FIGN: variants seen among roughly 807,000 people sequenced by gnomAD.
FIGN encodes fidgetin, microtubule severing factor.
In FIGN, 11 loss-of-function variants were observed where a neutral mutation model predicts 51.3. That is an observed-to-expected ratio of 0.21 (90% CI 0.13 to 0.35). The LOEUF (loss-of-function observed/expected upper bound fraction) is 0.35, where lower values mean the gene tolerates loss of function less well. Ranked by LOEUF, FIGN falls within the 10% of genes least tolerant of loss-of-function variation. FIGN has a pLI of 1.00. For missense variants in FIGN, 857 were observed against 943.6 expected, an observed-to-expected ratio of 0.91 and a Z score of 1.20; for synonymous variants, 407 against 363.2, an observed-to-expected ratio of 1.12 and a Z score of -1.37.
rs1032037381 is a variant in FIGN, at chr2:163,604,691, A to C, written c.*4861T>G. Reference sequence around the variant, plus strand: ...AAAGAACAATGTTTGAATATACATCAGATGAAAAAAGAAAAAAAAGAAATG... The same window carrying C: ...AAAGAACAATGTTTGAATATACATCCGATGAAAAAAGAAAAAAAAGAAATG... On this transcript the variant is annotated 3_prime_UTR_variant, in exon 3 of 3. Transcript: ENST00000333129. The C allele has an allele frequency of 1.3e-5, 2 of 152,004 alleles. No individual in the cohort carries two copies. The highest frequency in any genetic ancestry group is 1.5e-5 in the Non-Finnish European group (1 of 67,960). 9.4% of individuals were successfully genotyped at this position (152,004 alleles called of 1,614,324 possible).
chr2:163,666,163 G>A (rs1056232534), intron 2 of FIGN, among the ~76,000 whole-genome samples: 1 of 152,144 alleles, frequency 6.6e-6, no homozygotes, highest in Non-Finnish European at 1.5e-5. Context: ...AAAGAATATG[G>A]ATGCAGGAAG....
At position 163,694,369 on chromosome 2, in the gene FIGN, A is replaced by G. The variant is rs567154672; in HGVS notation, c.25+40534T>C. On this transcript the variant is annotated intron_variant, in intron 2 of 2. Coordinates refer to ENST00000333129, the MANE Select transcript of FIGN (RefSeq NM_018086.4). ...CTATAACCTCCTCTTCAATATTCAT[A>G]ATACCTATTAGCATTCTAGGGGCTC... Among the ~76,000 whole-genome samples, 7 of 152,330 alleles carry G rather than the reference A, an allele frequency of 4.6e-5. No homozygotes were observed. The East Asian group carries it at 1.4e-3, about 29-fold the overall frequency.
rs1691184426 is a variant in FIGN at position 163,609,586 on chromosome 2, A to G, written c.2246T>C (p.Val749Ala). The G allele has an allele frequency of 6.2e-7, 1 of 1,613,834 alleles. No homozygotes were observed. The highest frequency in any genetic ancestry group is 1.3e-5 in the African/African-American group (1 of 75,028). Residue 749 changes from valine (V) to alanine (A), a missense_variant, in exon 3 of 3, where the codon GTT becomes GCT. Val to Ala is a moderately conservative substitution (Grantham distance 64). Around this residue, in one of 3 missense-constraint regions of FIGN, gnomAD observed 799 missense variants for 849.5 expected, o/e 0.94. Transcript: ENST00000333129. Reference sequence around the variant, plus strand: ...GCAACCAAACATTTTGTTCCATTCAACATACATATCAAGCTCCTTTTGAGA... The same window carrying G: ...GCAACCAAACATTTTGTTCCATTCAGCATACATATCAAGCTCCTTTTGAGA... ...SISQKELDMY[V>A]EWNKMFGCSQ
chr2:163,660,814 CATAT>C (rs1683652033), intron 2 of FIGN, among the ~76,000 whole-genome samples: 1 of 56,122 alleles, frequency 1.8e-5, no homozygotes. Context: ...CATATATATA[CATAT>C]ACATATATAT....
chr2:163,609,815 G>A lies in FIGN; in HGVS notation c.2017C>T (p.Leu673Phe). 1 of 1,614,142 alleles carries A rather than the reference G, an allele frequency of 6.2e-7. No individual in the cohort carries two copies. The highest frequency in any genetic ancestry group is 8.5e-7 in the Non-Finnish European group (1 of 1,180,026). ...AGCAGTGCAAACTCCTTGTCATTGA[G>A]ACAGTAATTGTGCTGTGAGAGCAGT... The part of the protein sequence containing the change: ...VQLLSQHNYC[L>F]NDKEFALLVQ... The change falls in exon 3 of 3, where the codon CTC (leucine) becomes TTC (phenylalanine). Residue 673 changes from leucine (L) to phenylalanine (F), a missense_variant. By Grantham distance (22) the Leu-to-Phe change is conservative. Transcript: ENST00000333129.
At chr2:163,639,707 C>A (rs1683278670) in intron 2 of FIGN, among the ~76,000 whole-genome samples, 1 of 152,064 alleles carries the variant, frequency 6.6e-6, no homozygotes, top group Non-Finnish European at 1.5e-5. Context: ...TTAACAACAA[C>A]AACAAAATCT....
chr2:163,661,236 A>T (rs866874158), intron 2 of FIGN, among the ~76,000 whole-genome samples: 87 of 150,204 alleles, frequency 5.8e-4, no homozygotes, highest in Middle Eastern at 3.4e-3. Flanking sequence ...TTATTTATTT[A>T]TTATTATTAT....
intron 2 of FIGN, among the ~76,000 whole-genome samples, chr2:163,704,813 A>G (rs529626429): frequency 2.6e-5 from 4 of 152,102 alleles, no homozygotes; most frequent in Admixed American, 2.0e-4. Context: ...TGGAGCCATA[A>G]CCCCAACTAA....
intron 2 of FIGN, among the ~76,000 whole-genome samples, chr2:163,614,643 T>C (rs993074533): frequency 6.6e-6 from 1 of 152,096 alleles, no homozygotes; most frequent in African/African-American, 2.4e-5. Flanking sequence ...ACAAATAATT[T>C]AGAAGTACAG....
At chr2:163,729,628 A>T (rs1458909169) in intron 2 of FIGN, among the ~76,000 whole-genome samples, 1 of 152,206 alleles carries the variant, frequency 6.6e-6, no homozygotes, top group Non-Finnish European at 1.5e-5. Flanking sequence ...GCTGAGCTAT[A>T]GGGTAAAAAA....
At position 163,629,952 on chromosome 2, in the gene FIGN, CTTTTTTTTTTTTTTT is replaced by C. The variant is rs71297448; in HGVS notation, c.26-18161_26-18147del. Among the ~76,000 whole-genome samples, 90 of 56,930 alleles carry C rather than the reference CTTTTTTTTTTTTTTT, an allele frequency of 1.6e-3. 1 individual carries two copies. Among genetic ancestry groups the C allele is most frequent in the African/African-American group, 5.8e-3 (77 of 13,354 alleles). The allele number at this position is 56,930 out of a possible 152,430, so 37.3% of individuals were successfully genotyped here. On this transcript the variant is annotated intron_variant, in intron 2 of 2. Transcript: ENST00000333129. ...CCAACATAGGGTGAAGAAAGGGGCA[CTTTTTTTTTTTTTTT>C]TTTTTTTTTTTTTTTGACAGGGTCT...
intron 2 of FIGN, among the ~76,000 whole-genome samples, chr2:163,676,471 A>C (rs1305737892): frequency 2.8e-5 from 3 of 107,834 alleles, no homozygotes; most frequent in Admixed American, 1.0e-4. Flanking sequence ...ATATATATAT[A>C]TATATATATA....
chr2:163,671,150 T>C (rs1003109329), intron 2 of FIGN, among the ~76,000 whole-genome samples: 2 of 152,210 alleles, frequency 1.3e-5, no homozygotes, highest in Non-Finnish European at 2.9e-5. Flanking sequence ...CCACTTTCTA[T>C]GAGTGCTGAA....
At chr2:163,717,436 T>C (rs1325548500) in intron 2 of FIGN, among the ~76,000 whole-genome samples, 2 of 152,164 alleles carry the variant, frequency 1.3e-5, no homozygotes, top group Non-Finnish European at 1.5e-5. Context: ...CTTGAAAACA[T>C]ATAAGCTTTT....
intron 2 of FIGN, among the ~76,000 whole-genome samples, chr2:163,692,477 T>C (rs1353455729): frequency 6.6e-6 from 1 of 152,200 alleles, no homozygotes; most frequent in Admixed American, 6.5e-5. Flanking sequence ...AAGATGCTAA[T>C]AATGTTTCTT....
Position 163,611,546 on chromosome 2 carries a change from A to G in FIGN, c.286T>C (p.Ser96Pro). 2 of 1,614,230 alleles carry G rather than the reference A, an allele frequency of 1.2e-6. No individual in the cohort carries two copies. The highest frequency in any genetic ancestry group is 1.7e-6 in the Non-Finnish European group (2 of 1,180,036). ...TTTTTCCGACCGTTCACTAGTCCTG[A>G]TGGTGTGTCCGAATAGTTGCTGAGT... ...PVLSNYSDTP[S>P]GLVNGRKNES... Residue 96 changes from serine to proline, a missense_variant, in exon 3 of 3, where the codon TCA (serine) becomes CCA (proline). Coordinates refer to ENST00000333129, the MANE Select transcript of FIGN (RefSeq NM_018086.4).
intron 2 of FIGN, among the ~76,000 whole-genome samples, chr2:163,719,674 G>A (rs1684724120): frequency 6.6e-6 from 1 of 152,070 alleles, no homozygotes; most frequent in Non-Finnish European, 1.5e-5. Context: ...AAGAAAACCT[G>A]TGGGGTAGTG....
In FIGN at chr2:163,725,569, G is replaced by A. The variant is rs542523197; in HGVS notation, c.25+9334C>T. Among the ~76,000 whole-genome samples, 4 of 151,962 alleles carry A rather than the reference G, an allele frequency of 2.6e-5. No homozygotes were observed. In the South Asian group the frequency reaches 8.3e-4, roughly 32 times the overall value. On this transcript the variant is annotated intron_variant, in intron 2 of 2. Coordinates refer to ENST00000333129, the MANE Select transcript of FIGN (RefSeq NM_018086.4). ...TTCAAGGAACTACCATTACATGGTG[G>A]TAAAATTGTAGATTTTTTACCCATG...
At chr2:163,640,915 T>C (rs1397574619) in intron 2 of FIGN, among the ~76,000 whole-genome samples, 2 of 151,738 alleles carry the variant, frequency 1.3e-5, no homozygotes, top group Non-Finnish European at 2.9e-5. Context: ...CCCCAAAGAG[T>C]CTCTTCCTTG....
Sources: gnomAD v4.1 joint callset for allele counts (sites outside exome capture counted in the v4.1 genomes callset) on GRCh38, gnomAD v4.1.1 for gene constraint, gnomAD v4.1.1 regional missense constraint, MANE v1.5 for transcripts, NCBI Gene and HGNC (gene_info 2026-07-23, HGNC 2026-07-21) for gene names.